Variants in PPTC7 observed in about 807,000 individuals in gnomAD.
PPTC7 encodes the protein protein phosphatase targeting COQ7, also known as protein phosphatase PTC7 homolog.
Under a neutral mutation model 30.8 loss-of-function variants are expected in PPTC7, and 6 were observed. The observed-to-expected ratio is 0.19, with a 90% CI of 0.11 to 0.38. The LOEUF (loss-of-function observed/expected upper bound fraction) is 0.38. Among genes scored for constraint, PPTC7 ranks in the 10% least tolerant of loss-of-function variants. The pLI, the probability that PPTC7 is intolerant of heterozygous loss-of-function variation, is 1.00. For synonymous variants in PPTC7, 163 were observed against 168.1 expected (o/e 0.97, Z 0.23); for missense variants, 218 against 404.8 (o/e 0.54, Z 3.96).
chr12:110,573,942 T>C (rs563806873), intron 1 of PPTC7, among the ~76,000 whole-genome samples: 9 of 151,738 alleles, frequency 5.9e-5, no homozygotes, highest in Non-Finnish European at 1.0e-4. Flanking sequence ...GATTGTGCCA[T>C]TGCATTCCAG....
rs575816802 is a variant in PPTC7, at chr12:110,566,649, T to C, written c.224-14681A>G. Among the ~76,000 whole-genome samples, 9 of 152,272 alleles carry C rather than the reference T, an allele frequency of 5.9e-5. No homozygotes were observed. The East Asian group carries it at 1.7e-3, about 29-fold the overall frequency. ...GAGCAGCAAACAGACCAGCCTAGAC[T>C]GCAGCAATCAGAAAAAAAAGAGTCT... is the stretch of plus-strand genomic sequence containing the variant. On this transcript the variant is annotated intron_variant, in intron 1 of 5. Coordinates refer to ENST00000354300, the MANE Select transcript of PPTC7 (RefSeq NM_139283.2).
chr12:110,577,496 AAATGATCATGACTGTTTG>A (rs2064599772), intron 1 of PPTC7, among the ~76,000 whole-genome samples: 3 of 152,138 alleles, frequency 2.0e-5, no homozygotes, highest in African/African-American at 7.2e-5. Flanking sequence ...AAGTACATTA[AAATGATCATGACTGTTTG>A]AAAACACCAA....
chr12:110,580,721 G>A (rs1166697677), intron 1 of PPTC7, among the ~76,000 whole-genome samples: 1 of 151,658 alleles, frequency 6.6e-6, no homozygotes, highest in East Asian at 1.9e-4. Context: ...ATCAAGTCAC[G>A]GATCTTTCAC....
chr12:110,569,842 G>C (rs1454054837), intron 1 of PPTC7, among the ~76,000 whole-genome samples: 3 of 152,206 alleles, frequency 2.0e-5, no homozygotes, highest in Non-Finnish European at 2.9e-5. Flanking sequence ...TTAGAGAGTG[G>C]AAACAGTGCC....
intron 1 of PPTC7, among the ~76,000 whole-genome samples, chr12:110,564,145 C>A (rs1182265690): frequency 1.3e-5 from 2 of 152,218 alleles, no homozygotes; most frequent in Admixed American, 6.5e-5. Context: ...TCACTCCTTT[C>A]TGGCCTGCAA....
At chr12:110,541,307 G>A (rs1225036559) in intron 3 of PPTC7, among the ~76,000 whole-genome samples, 3 of 151,628 alleles carry the variant, frequency 2.0e-5, no homozygotes, top group South Asian at 2.1e-4. Flanking sequence ...GCTTGAACCC[G>A]GGAGATGGAG....
chr12:110,543,043 G>C (rs566041506), intron 3 of PPTC7, among the ~76,000 whole-genome samples: 17 of 152,258 alleles, frequency 1.1e-4, no homozygotes, highest in Non-Finnish European at 2.2e-4. Context: ...AGGAACAAGA[G>C]CCAGGAAAGC....
chr12:110,550,556 T>C (rs2064342813), intron 2 of PPTC7, among the ~76,000 whole-genome samples: 1 of 152,018 alleles, frequency 6.6e-6, no homozygotes, highest in South Asian at 2.1e-4. Flanking sequence ...TAAATGTCAA[T>C]GGTGACTGGG....
chr12:110,582,323 C>T (rs1208796870), intron 1 of PPTC7, among the ~76,000 whole-genome samples: 2 of 152,222 alleles, frequency 1.3e-5, no homozygotes, highest in Non-Finnish European at 2.9e-5. Context: ...AAGAATACGG[C>T]CGGGCTGTCT....
rs1023464006 is a variant in PPTC7, at chr12:110,536,159, C to G, written c.*878G>C. On this transcript the variant is annotated 3_prime_UTR_variant, in exon 6 of 6. Transcript: ENST00000354300. ...TTCTCAACCCTTCAGGCCTTGGGAC[C>G]TAGAGTTCCCATTCAGGGGCATTCT... 3 of 152,178 alleles carry G rather than the reference C, an allele frequency of 2.0e-5. No homozygotes were observed. Among genetic ancestry groups the G allele is most frequent in the African/African-American group, 7.2e-5 (3 of 41,428 alleles). The allele number at this position is 152,178 out of a possible 1,614,324, so 9.4% of individuals were successfully genotyped here.
chr12:110,548,370 C>A (rs2064325871), intron 2 of PPTC7, among the ~76,000 whole-genome samples: 1 of 152,124 alleles, frequency 6.6e-6, no homozygotes, highest in Non-Finnish European at 1.5e-5. Context: ...TGCTAATGCC[C>A]AGAAATTCCA....
intron 1 of PPTC7, 110 bp from the exon 2 acceptor site, chr12:110,552,078 T>C: frequency 2.5e-6 from 2 of 811,856 alleles, no homozygotes; most frequent in South Asian, 1.9e-5. Context: ...ACTACATACA[T>C]TCACTCCAAA....
In PPTC7 at chr12:110,534,637, A is replaced by T. The variant is rs1489480235; in HGVS notation, c.*2400T>A. The T allele has an allele frequency of 6.6e-6, 1 of 152,160 alleles. No individual in the cohort carries two copies. The highest frequency in any genetic ancestry group is 1.5e-5 in the Non-Finnish European group (1 of 68,032). 9.4% of individuals were successfully genotyped at this position (152,160 alleles called of 1,614,324 possible). On this transcript the variant is annotated 3_prime_UTR_variant, in exon 6 of 6. Coordinates refer to ENST00000354300, the MANE Select transcript of PPTC7 (RefSeq NM_139283.2). ...ATTAAGTGCATAACACAAAAAGAAC[A>T]GGGGAAAATAGAGAAAATATTTTAT...
intron 2 of PPTC7, chr12:110,546,344 A>G (rs942296498): frequency 2.2e-6 from 1 of 453,892 alleles, no homozygotes; most frequent in Non-Finnish European, 4.0e-6. Flanking sequence ...ATTGACAGAA[A>G]GCAATAAAAA....
chr12:110,541,962 A>G (rs1377313513), intron 3 of PPTC7, among the ~76,000 whole-genome samples: 1 of 151,916 alleles, frequency 6.6e-6, no homozygotes, highest in African/African-American at 2.4e-5. Context: ...CCTGGCCATC[A>G]TGGTGAAACC....
At chr12:110,539,033 T>C (rs1040599100) in intron 4 of PPTC7, among the ~76,000 whole-genome samples, 1 of 150,918 alleles carries the variant, frequency 6.6e-6, no homozygotes, top group Non-Finnish European at 1.5e-5. Context: ...TGCTCACCAC[T>C]GTGTCACCAC....
rs543993000 is a variant in PPTC7 at position 110,569,312 on chromosome 12, G to A, written c.223+13497C>T. The stretch of plus-strand genomic sequence containing the variant: ...CACACCACTGCCCTCCAGCCTGGGC[G>A]ACAGAGTGAGACTCTGTCTCAAAAA... On this transcript the variant is annotated intron_variant, in intron 1 of 5. Transcript: ENST00000354300. Among the ~76,000 whole-genome samples the A allele has an allele frequency of 3.3e-5, 5 of 152,018 alleles. No individual in the cohort carries two copies. In the South Asian group the frequency reaches 1.0e-3, roughly 32 times the overall value.
chr12:110,554,010 C>T (rs1368355687), intron 1 of PPTC7, among the ~76,000 whole-genome samples: 2 of 152,094 alleles, frequency 1.3e-5, no homozygotes, highest in African/African-American at 4.8e-5. Flanking sequence ...AGGTGCTCGA[C>T]ACCACACCTG....
chr12:110,575,130 G>C (rs1488818070), intron 1 of PPTC7, among the ~76,000 whole-genome samples: 1 of 151,678 alleles, frequency 6.6e-6, no homozygotes, highest in Non-Finnish European at 1.5e-5. Flanking sequence ...TCCCAAACAA[G>C]ACAGACTCAT....
Sources: gnomAD v4.1 joint callset for allele counts (sites outside exome capture counted in the v4.1 genomes callset) on GRCh38, gnomAD v4.1.1 for gene constraint, MANE v1.5 for transcripts, NCBI Gene and HGNC (gene_info 2026-07-23, HGNC 2026-07-21) for gene names.